The following SNX7 variants were observed in gnomAD, a reference collection of about 807,000 sequenced individuals.
The protein encoded by SNX7 is sorting nexin 7.
In SNX7, 35 loss-of-function variants were observed where a neutral mutation model predicts 48.4. The observed-to-expected ratio is 0.72, with a 90% CI of 0.55 to 0.96. The LOEUF is 0.96. Among genes scored for constraint, SNX7 ranks in the 40% least tolerant of loss-of-function variants. SNX7 has a pLI of 0.00. For missense variants in SNX7, 553 were observed against 548.9 expected (o/e 1.01, Z -0.07); for synonymous variants, 190 against 190.2 (o/e 1.00, Z 0.01).
intron 1 of SNX7, chr1:98,662,691 T>C: frequency 7.8e-7 from 1 of 1,289,342 alleles, no homozygotes; most frequent in South Asian, 1.2e-5. Flanking sequence ...AATACCTTTC[T>C]TGCAGGGAGG....
Position 98,691,071 on chromosome 1 carries a change from T to G in SNX7, c.364-4T>G. Reference sequence around the variant, plus strand: ...GTGCTGTTATTTTCTCTTACTTTCTTCAGACATCTCGTGGGGAATTTGACT... The same window carrying G: ...GTGCTGTTATTTTCTCTTACTTTCTGCAGACATCTCGTGGGGAATTTGACT... On this transcript the variant is annotated splice_polypyrimidine_tract_variant and splice_region_variant and intron_variant, in intron 2 of 8. Coordinates refer to ENST00000306121, the MANE Select transcript of SNX7 (RefSeq NM_015976.5). The G allele has an allele frequency of 6.3e-7, 1 of 1,591,886 alleles. No individual in the cohort carries two copies. The highest frequency in any genetic ancestry group is 8.6e-7 in the Non-Finnish European group (1 of 1,164,080).
intron 8 of SNX7, among the ~76,000 whole-genome samples, chr1:98,758,927 G>A (rs535893960): frequency 1.4e-5 from 2 of 140,852 alleles, no homozygotes; most frequent in African/African-American, 5.2e-5. Context: ...AAATGTGTTT[G>A]TGCATACACA....
chr1:98,734,689 T>G (rs1653687226), intron 7 of SNX7, among the ~76,000 whole-genome samples: 1 of 152,172 alleles, frequency 6.6e-6, no homozygotes, highest in Non-Finnish European at 1.5e-5. Context: ...AGAAACATAT[T>G]GTTTTGTTTG....
chr1:98,719,051 G>T (rs1028460148), intron 7 of SNX7, among the ~76,000 whole-genome samples: 1 of 152,122 alleles, frequency 6.6e-6, no homozygotes, highest in Non-Finnish European at 1.5e-5. Context: ...ACTTAGAAGT[G>T]AAATTGCTAA....
At chr1:98,708,122 T>C (rs1351400870) in intron 7 of SNX7, among the ~76,000 whole-genome samples, 4 of 152,140 alleles carry the variant, frequency 2.6e-5, no homozygotes, top group Non-Finnish European at 5.9e-5. Flanking sequence ...ATTATTCCTT[T>C]CTATATGCCT....
At chr1:98,675,205 C>T (rs998240435) in intron 1 of SNX7, among the ~76,000 whole-genome samples, 1 of 152,128 alleles carries the variant, frequency 6.6e-6, no homozygotes, top group Non-Finnish European at 1.5e-5. Flanking sequence ...TTAATTGCTA[C>T]TTTGGATCTT....
chr1:98,748,273 A>G (rs1654404224), intron 8 of SNX7, among the ~76,000 whole-genome samples: 1 of 152,094 alleles, frequency 6.6e-6, no homozygotes, highest in African/African-American at 2.4e-5. Flanking sequence ...GGTGTGAGCC[A>G]CTGCACCCAG....
intron 1 of SNX7, chr1:98,662,516 A>G (rs1282193937): frequency 1.9e-5 from 8 of 428,720 alleles, no homozygotes; most frequent in South Asian, 1.5e-4. Context: ...CACCCAACCC[A>G]CAGCCAGTGC....
At chr1:98,724,876 A>G (rs1159749358) in intron 7 of SNX7, among the ~76,000 whole-genome samples, 2 of 152,226 alleles carry the variant, frequency 1.3e-5, no homozygotes, top group Non-Finnish European at 2.9e-5. Flanking sequence ...TATAATTGAT[A>G]CTTTGATAAA....
chr1:98,666,665 C>A (rs11166065), intron 1 of SNX7, among the ~76,000 whole-genome samples: 2,324 of 152,266 alleles, frequency 0.015, 48 homozygotes, highest in African/African-American at 0.053. Context: ...TGACCTGCCA[C>A]TCTCCTACGG....
intron 7 of SNX7, among the ~76,000 whole-genome samples, chr1:98,712,691 A>G (rs68093961): frequency 6.6e-6 from 1 of 152,070 alleles, no homozygotes; most frequent in Non-Finnish European, 1.5e-5. Flanking sequence ...ACTTAAAATC[A>G]CCAACTACAT....
chr1:98,679,758 C>G (rs1303351262), intron 1 of SNX7, among the ~76,000 whole-genome samples: 2 of 152,200 alleles, frequency 1.3e-5, no homozygotes, highest in East Asian at 3.9e-4. Flanking sequence ...ACAGGTCACA[C>G]TGATGCAAGA....
chr1:98,760,021 T>A (rs755888556), intron 8 of SNX7, 33 bp from the exon 9 acceptor site: 8 of 1,370,188 alleles, frequency 5.8e-6, no homozygotes, highest in Non-Finnish European at 8.4e-6. Context: ...TAAACTATTG[T>A]TGATTGCCTC....
chr1:98,759,804 A>C (rs1289301600), intron 8 of SNX7, among the ~76,000 whole-genome samples: 1 of 152,042 alleles, frequency 6.6e-6, no homozygotes, highest in African/African-American at 2.4e-5. Flanking sequence ...AATATGGGGT[A>C]ATAGTAGATT....
At chr1:98,720,228 A>G (rs1387163076) in intron 7 of SNX7, among the ~76,000 whole-genome samples, 1 of 151,952 alleles carries the variant, frequency 6.6e-6, no homozygotes, top group Non-Finnish European at 1.5e-5. Context: ...AAACTATAAA[A>G]TATTTATAAT....
At chr1:98,744,111 G>T (rs1021996413) in intron 8 of SNX7, among the ~76,000 whole-genome samples, 1 of 151,996 alleles carries the variant, frequency 6.6e-6, no homozygotes, top group Non-Finnish European at 1.5e-5. Flanking sequence ...TAACATGACA[G>T]TTCCATCAGG....
At position 98,661,821 on chromosome 1, in the gene SNX7, C is replaced by G. The variant is rs1193540337; in HGVS notation, c.90C>G (p.Pro30=). The G allele has an allele frequency of 4.0e-6, 5 of 1,245,932 alleles. No homozygotes were observed. The African/African-American group carries it at 7.8e-5, about 19-fold the overall frequency. The allele number at this position is 1,245,932 out of a possible 1,614,324, so 77.2% of individuals were successfully genotyped here. Residue 30 remains proline (P), a synonymous_variant, in exon 1 of 9, where the codon CCC becomes CCG. Coordinates refer to ENST00000306121, the MANE Select transcript of SNX7 (RefSeq NM_015976.5). ...ANGESPGGGA[P]FPGSSGSSAL... ...GGGAGAGCCCGGGGGGCGGCGCCCC[C>G]TTTCCGGGCAGCAGTGGCTCTTCCG...
intron 4 of SNX7, among the ~76,000 whole-genome samples, chr1:98,691,935 A>ACTCTCT (rs1241403307): frequency 2.4e-4 from 21 of 87,286 alleles, no homozygotes; most frequent in Admixed American, 3.1e-4. Context: ...ACACACACAC[A>ACTCTCT]CACTCTCTCT....
At chr1:98,707,970 A>T (rs1652097594) in intron 7 of SNX7, among the ~76,000 whole-genome samples, 1 of 152,202 alleles carries the variant, frequency 6.6e-6, no homozygotes, top group Non-Finnish European at 1.5e-5. Context: ...GCACAGAGCA[A>T]GATTGCCTTC....
Sources: gnomAD v4.1 joint callset for allele counts (sites outside exome capture counted in the v4.1 genomes callset) on GRCh38, gnomAD v4.1.1 for gene constraint, MANE v1.5 for transcripts, NCBI Gene and HGNC (gene_info 2026-07-23, HGNC 2026-07-21) for gene names.